Variants in TMEM135 observed in about 807,000 individuals in gnomAD.
TMEM135 encodes transmembrane protein 135.
A neutral mutation model predicts 60.3 loss-of-function variants in TMEM135; 30 were observed. The observed-to-expected ratio is 0.50, with a 90% confidence interval of 0.37 to 0.68. The LOEUF is 0.68. TMEM135 is among the 30% of genes least tolerant of loss of function. The probability of loss-of-function intolerance (pLI) is 0.00; values close to 1 mark genes in which losing one functional copy is unlikely to be tolerated. For missense variants in TMEM135, 468 were observed against 548.8 expected (o/e 0.85, Z 1.47); for synonymous variants, 190 against 186.7 (o/e 1.02, Z -0.14).
chr11:87,184,634 CT>C (rs921768315), intron 5 of TMEM135, among the ~76,000 whole-genome samples: 1 of 152,026 alleles, frequency 6.6e-6, no homozygotes, highest in African/African-American at 2.4e-5. Context: ...ATGCCCCCCT[CT>C]TTTTTTCCCT....
intron 6 of TMEM135, among the ~76,000 whole-genome samples, chr11:87,248,195 G>T (rs1421093843): frequency 6.6e-6 from 1 of 152,012 alleles, no homozygotes; most frequent in Non-Finnish European, 1.5e-5. Flanking sequence ...ATACTGATTT[G>T]CTTTCTTTTG....
At position 87,119,045 on chromosome 11, in the gene TMEM135, A is replaced by G. The variant is rs569840078; in HGVS notation, c.396+27650A>G. ...TGTATTCACTGTTATAGCACTTTTA[A>G]TTTCCTTTGAGAACTTTCCTTTGCA... On this transcript the variant is annotated intron_variant, in intron 4 of 14. Coordinates refer to ENST00000305494, the MANE Select transcript of TMEM135 (RefSeq NM_022918.4). Among the ~76,000 whole-genome samples the G allele has an allele frequency of 1.8e-4, 28 of 152,254 alleles. No individual in the cohort carries two copies. In the South Asian group the frequency reaches 4.3e-3, roughly 24 times the overall value.
chr11:87,292,259 T>C (rs1942279070), intron 6 of TMEM135, among the ~76,000 whole-genome samples: 1 of 152,348 alleles, frequency 6.6e-6, no homozygotes, highest in Admixed American at 6.5e-5. Context: ...TATTTTGTTT[T>C]TTTACCATAC....
chr11:87,170,378 A>G lies in TMEM135; in HGVS notation c.462+12972A>G, dbSNP rs186104857. Among the ~76,000 whole-genome samples, 4 of 152,104 alleles carry G rather than the reference A, an allele frequency of 2.6e-5. No individual in the cohort carries two copies. In the East Asian group the frequency reaches 5.8e-4, roughly 22 times the overall value. On this transcript the variant is annotated intron_variant, in intron 5 of 14. Coordinates refer to ENST00000305494, the MANE Select transcript of TMEM135 (RefSeq NM_022918.4). ...GGAGAAGAGGCATTCTGGTTTTTGG[A>G]ATTTTCAGCCTTTTTGCACTGGTTT...
chr11:87,169,606 T>A (rs1939172290), intron 5 of TMEM135, among the ~76,000 whole-genome samples: 1 of 152,166 alleles, frequency 6.6e-6, no homozygotes, highest in Non-Finnish European at 1.5e-5. Context: ...AAATCTTTTC[T>A]TTAAGAATGT....
rs1313110460 is a variant in TMEM135, at chr11:87,323,191, C to T, written c.*1858C>T. ...GATTGTTTAGTAAAATTTTGCTGGT[C>T]AAAAAGGTGTATTTCTACAATTTAC... On this transcript the variant is annotated 3_prime_UTR_variant, in exon 15 of 15. Transcript: ENST00000305494. 8 of 453,580 alleles carry T rather than the reference C, an allele frequency of 1.8e-5. No individual in the cohort carries two copies. The highest frequency in any genetic ancestry group is 1.4e-4 in the Admixed American group (6 of 42,490). The allele number at this position is 453,580 out of a possible 1,614,324, so 28.1% of individuals were successfully genotyped here. A position where few individuals can be genotyped will look rare whatever the true frequency, so the allele number is the denominator to read the frequency against.
chr11:87,239,257 T>C (rs1317171204), intron 6 of TMEM135, among the ~76,000 whole-genome samples: 3 of 152,074 alleles, frequency 2.0e-5, no homozygotes, highest in Non-Finnish European at 4.4e-5. Flanking sequence ...AGGAAAGGGG[T>C]TGTTTTTCTC....
Position 87,314,458 on chromosome 11 carries a change from T to C in TMEM135, c.1001-13T>C. The C allele has an allele frequency of 6.3e-7, 1 of 1,599,028 alleles. No individual in the cohort carries two copies. Among genetic ancestry groups the C allele is most frequent in the South Asian group, 1.1e-5 (1 of 90,744 alleles). On this transcript the variant is annotated splice_polypyrimidine_tract_variant and intron_variant, in intron 11 of 14. Transcript: ENST00000305494. ...CTGCGATCTTATCAGTTATTTCTTA[T>C]TTCTTGTTTCAGGATTTTTGGCAGG...
chr11:87,104,693 AT>A (rs960502001), intron 4 of TMEM135, among the ~76,000 whole-genome samples: 3 of 151,748 alleles, frequency 2.0e-5, no homozygotes, highest in African/African-American at 7.3e-5. Flanking sequence ...TGTAAATGGG[AT>A]TTTTTTCTTA....
chr11:87,233,006 C>T (rs775190554), intron 5 of TMEM135, among the ~76,000 whole-genome samples: 1 of 152,026 alleles, frequency 6.6e-6, no homozygotes, highest in Non-Finnish European at 1.5e-5. Context: ...CAAAAATTAG[C>T]TGGGTGTGGT....
intron 4 of TMEM135, among the ~76,000 whole-genome samples, chr11:87,147,850 T>C (rs1167386753): frequency 6.6e-6 from 1 of 152,168 alleles, no homozygotes; most frequent in South Asian, 2.1e-4. Flanking sequence ...CTCCACCTCC[T>C]GGGTTCAAGT....
At chr11:87,087,926 T>G (rs1857131039) in intron 3 of TMEM135, among the ~76,000 whole-genome samples, 3 of 151,986 alleles carry the variant, frequency 2.0e-5, no homozygotes, top group African/African-American at 7.3e-5. Context: ...TTAGTAGAGA[T>G]GGGGTTTCTT....
intron 4 of TMEM135, among the ~76,000 whole-genome samples, chr11:87,115,328 T>A (rs1776373006): frequency 6.6e-6 from 1 of 152,194 alleles, no homozygotes. Flanking sequence ...ATTTTGTCTC[T>A]GCATTGGAAA....
At chr11:87,178,437 ATGCGTTT>A (rs1251411836) in intron 5 of TMEM135, 2 of 456,010 alleles carry the variant, frequency 4.4e-6, no homozygotes, top group Admixed American at 2.4e-5. Flanking sequence ...CCTTAACATA[ATGCGTTT>A]TGTTTTTTTG....
chr11:87,052,998 G>T (rs1285248366), intron 1 of TMEM135, among the ~76,000 whole-genome samples: 1 of 122,300 alleles, frequency 8.2e-6, no homozygotes, highest in Non-Finnish European at 1.7e-5. Context: ...AAAATGATGA[G>T]TTCATGTCCT....
intron 6 of TMEM135, among the ~76,000 whole-genome samples, chr11:87,286,749 T>G (rs896265756): frequency 1.8e-4 from 27 of 152,222 alleles, no homozygotes; most frequent in Non-Finnish European, 3.7e-4. Flanking sequence ...TTTTTGACTT[T>G]CAAATTAAAC....
chr11:87,060,736 G>A (rs1471713904), intron 1 of TMEM135, among the ~76,000 whole-genome samples: 1 of 150,886 alleles, frequency 6.6e-6, no homozygotes, highest in Non-Finnish European at 1.5e-5. Flanking sequence ...TCTGCCTTCC[G>A]GGGTCATGCC....
intron 5 of TMEM135, among the ~76,000 whole-genome samples, chr11:87,173,872 C>G (rs1023489056): frequency 6.6e-6 from 1 of 152,076 alleles, no homozygotes; most frequent in Non-Finnish European, 1.5e-5. Context: ...GCATTTGTTG[C>G]CAGTGCGCTC....
At chr11:87,174,450 A>C (rs938792194) in intron 5 of TMEM135, among the ~76,000 whole-genome samples, 2 of 152,110 alleles carry the variant, frequency 1.3e-5, no homozygotes, top group African/African-American at 4.8e-5. Flanking sequence ...CAAAGTGTAT[A>C]CTTAGTAAGC....
Sources: gnomAD v4.1 joint callset for allele counts (sites outside exome capture counted in the v4.1 genomes callset) on GRCh38, gnomAD v4.1.1 for gene constraint, MANE v1.5 for transcripts, NCBI Gene and HGNC (gene_info 2026-07-23, HGNC 2026-07-21) for gene names.